The following CAPRIN2 variants were observed in gnomAD, a reference collection of about 807,000 sequenced individuals.
CAPRIN2 encodes the protein caprin-2.
CAPRIN2 carries 66 observed loss-of-function variants against 130.4 expected under a neutral mutation model. The ratio of observed to expected loss-of-function variants is 0.51; its 90% CI spans 0.42 to 0.62. The LOEUF (loss-of-function observed/expected upper bound fraction) is 0.62, where lower values mean the gene tolerates loss of function less well. Among genes scored for constraint, CAPRIN2 ranks in the 20% least tolerant of loss-of-function variants. The pLI, the probability that CAPRIN2 is intolerant of heterozygous loss-of-function variation, is 0.00. For missense variants in CAPRIN2, 1,185 were observed against 1,246.6 expected (o/e 0.95, Z 0.74); for synonymous variants, 471 against 444.1 (o/e 1.06, Z -0.76).
chr12:30,724,268 A>G lies in CAPRIN2; in HGVS notation c.1987+102T>C, dbSNP rs1302788771. 5 of 739,740 alleles carry G rather than the reference A, an allele frequency of 6.8e-6. No individual in the cohort carries two copies. The East Asian group carries it at 1.3e-4, about 19-fold the overall frequency. 45.8% of individuals were successfully genotyped at this position (739,740 alleles called of 1,614,324 possible). On this transcript the variant is annotated intron_variant, in intron 10 of 16. Coordinates refer to ENST00000298892, the Ensembl canonical transcript of CAPRIN2. Reference sequence around the variant, plus strand: ...TACAGTTAGAATAAATTAATACACCAACATATTAGGACATCTAAAATAAAA... The same window carrying G: ...TACAGTTAGAATAAATTAATACACCGACATATTAGGACATCTAAAATAAAA...
chr12:30,727,246 T>C (rs903497859), intron 8 of CAPRIN2, among the ~76,000 whole-genome samples: 2 of 152,150 alleles, frequency 1.3e-5, no homozygotes, highest in African/African-American at 4.8e-5. Flanking sequence ...ATTTGGTTAA[T>C]AAAATAAAGC....
At position 30,725,947 on chromosome 12, in the gene CAPRIN2, T is replaced by C; in HGVS notation, c.1905+19A>G. 6.5e-7 allele frequency: 1 copy of C among 1,538,040 alleles called. No individual in the cohort carries two copies. Among genetic ancestry groups the C allele is most frequent in the East Asian group, 2.4e-5 (1 of 42,456 alleles). On this transcript the variant is annotated intron_variant, in intron 9 of 16. Coordinates refer to ENST00000298892, the Ensembl canonical transcript of CAPRIN2. ...GAAGCCCCATGAATATCATTTAAGATTTTGTAAATGACTCATACTTGCATA... is the reference window on the plus strand; with the variant it reads ...GAAGCCCCATGAATATCATTTAAGACTTTGTAAATGACTCATACTTGCATA...
intron 1 of CAPRIN2, among the ~76,000 whole-genome samples, chr12:30,752,983 C>G (rs746167875): frequency 1.1e-4 from 17 of 152,258 alleles, no homozygotes; most frequent in South Asian, 4.1e-4. Context: ...AGTTATACTG[C>G]AATATCAACT....
At chr12:30,729,658 C>T (rs1008604625) in intron 7 of CAPRIN2, among the ~76,000 whole-genome samples, 3 of 152,188 alleles carry the variant, frequency 2.0e-5, no homozygotes, top group Admixed American at 2.0e-4. Context: ...GACCATTCTC[C>T]CCAGTTGACT....
intron 15 of CAPRIN2, among the ~76,000 whole-genome samples, chr12:30,712,799 T>C (rs1262311369): frequency 7.5e-6 from 1 of 133,690 alleles, no homozygotes; most frequent in African/African-American, 2.7e-5. Flanking sequence ...TGGAGTGCAA[T>C]GGCGCTATCT....
At chr12:30,750,473 G>C (rs1467817411) in intron 2 of CAPRIN2, among the ~76,000 whole-genome samples, 1 of 151,520 alleles carries the variant, frequency 6.6e-6, no homozygotes, top group Non-Finnish European at 1.5e-5. Flanking sequence ...GCAATTACCA[G>C]GTATATCATT....
chr12:30,746,358 C>T (rs1320723341), intron 2 of CAPRIN2, among the ~76,000 whole-genome samples: 1 of 152,170 alleles, frequency 6.6e-6, no homozygotes, highest in East Asian at 1.9e-4. Flanking sequence ...TGTGCTATTG[C>T]ACTCCAGCCT....
At chr12:30,715,220 A>C in intron 13 of CAPRIN2, 79 bp from the exon 16 acceptor site, 1 of 1,138,372 alleles carries the variant, frequency 8.8e-7, no homozygotes, top group African/African-American at 1.6e-5. Flanking sequence ...ATATATCAAA[A>C]TCATTAATAC....
At position 30,736,784 on chromosome 12, in the gene CAPRIN2, T is replaced by C. The variant is rs559512382; in HGVS notation, c.571-1578A>G. On this transcript the variant is annotated intron_variant, in intron 3 of 16. Coordinates refer to ENST00000298892, the Ensembl canonical transcript of CAPRIN2. ...TTACCAAAACTACAGGATTCTCTGA[T>C]CCTGCTTGAGAGAAGAAAAGAGGAC... Among the ~76,000 whole-genome samples the C allele has an allele frequency of 1.2e-4, 19 of 152,318 alleles. No individual in the cohort carries two copies. The East Asian group carries it at 3.5e-3, about 28-fold the overall frequency.
intron 12 of CAPRIN2, 62 bp downstream of exon 14, chr12:30,719,017 G>A: frequency 1.3e-6 from 2 of 1,535,240 alleles, no homozygotes; most frequent in Non-Finnish European, 1.8e-6. Flanking sequence ...AATTATGTAA[G>A]AGAAACAATG....
chr12:30,711,990 A>G (rs7297455), intron 15 of CAPRIN2, among the ~76,000 whole-genome samples: 87,441 of 152,008 alleles, frequency 0.58, 26,467 homozygotes, highest in African/African-American at 0.77. Context: ...CATAAAGCAA[A>G]AACACAGACT....
At chr12:30,713,798 G>A in exon 15 of CAPRIN2, 1 of 1,596,800 alleles carries the variant, frequency 6.3e-7, no homozygotes, top group Non-Finnish European at 8.6e-7. Context: ...TTGGGAATAA[G>A]GTGCTCCAGA....
chr12:30,754,251 CAAA>C, exon 1 of CAPRIN2: 1 of 155,168 alleles, frequency 6.4e-6, no homozygotes, highest in Admixed American at 6.4e-5. Context: ...TAGACTAGCC[CAAA>C]ACCGCTTACA....
Position 30,710,596 on chromosome 12 carries a change from T to C in CAPRIN2, c.2666-126A>G. The C allele has an allele frequency of 7.2e-7, 1 of 1,398,240 alleles. No individual in the cohort carries two copies. Among genetic ancestry groups the C allele is most frequent in the Non-Finnish European group, 9.6e-7 (1 of 1,043,602 alleles). The allele number at this position is 1,398,240 out of a possible 1,614,324, so 86.6% of individuals were successfully genotyped here. A position where few individuals can be genotyped will look rare whatever the true frequency, so the allele number is the denominator to read the frequency against. ...ATAGTAAATTCCAAAACAAAAGCAA[T>C]ATATAGCTAGATTATACTTTTCTAG... is the stretch of plus-strand genomic sequence containing the variant. On this transcript the variant is annotated intron_variant, in intron 16 of 16. Transcript: ENST00000298892. The surrounding 1 kb of genome is among the most constrained non-coding windows in gnomAD (Gnocchi z 4.8).
intron 12 of CAPRIN2, 60 bp from the exon 14 acceptor site, chr12:30,719,285 C>T: frequency 1.9e-6 from 3 of 1,584,862 alleles, no homozygotes; most frequent in South Asian, 1.1e-5. Flanking sequence ...AGTTAACTTA[C>T]TCTAAAACCC....
At chr12:30,735,132 T>A (rs189627614) in exon 4 of CAPRIN2, 11 of 1,614,186 alleles carry the variant, frequency 6.8e-6, no homozygotes, top group Non-Finnish European at 9.3e-6. Flanking sequence ...GAAGTATAGT[T>A]CGAAGCTTTT....
chr12:30,745,410 G>A (rs954635497), intron 2 of CAPRIN2, among the ~76,000 whole-genome samples: 1 of 152,070 alleles, frequency 6.6e-6, no homozygotes, highest in African/African-American at 2.4e-5. Flanking sequence ...TTTACTATTT[G>A]AAAAGAGAAA....
Position 30,741,136 on chromosome 12 carries a change from T to C in CAPRIN2, c.484-30A>G, listed in dbSNP as rs764007760. On this transcript the variant is annotated intron_variant, in intron 2 of 16. Transcript: ENST00000298892. ...CAAATAGGATAAGAAAACATAAATT[T>C]TGTGACTGTTTAAGTATAAATATGT... 8.3e-6 allele frequency: 11 copies of C among 1,320,066 alleles called. No homozygotes were observed. In the East Asian group the frequency reaches 1.4e-4, roughly 17 times the overall value. The allele number at this position is 1,320,066 out of a possible 1,614,324, so 81.8% of individuals were successfully genotyped here.
chr12:30,735,084 G>A (rs776194066), exon 4 of CAPRIN2: 21 of 1,613,922 alleles, frequency 1.3e-5, no homozygotes, highest in Middle Eastern at 3.3e-4. Flanking sequence ...CTTTTTGTAC[G>A]TGCTCCTGTG....
Sources: allele counts gnomAD v4.1 joint callset (sites outside exome capture counted in the v4.1 genomes callset), GRCh38; gene constraint gnomAD v4.1.1; non-coding constraint Gnocchi (gnomAD v3.1); transcripts MANE v1.5; gene names NCBI Gene and HGNC (gene_info 2026-07-23, HGNC 2026-07-21).